The following GUCY1A2 variants were observed in gnomAD, a reference collection of about 807,000 sequenced individuals.
The protein encoded by GUCY1A2 is guanylate cyclase 1 soluble subunit alpha 2.
Under a neutral mutation model 63.5 loss-of-function variants are expected in GUCY1A2, and 27 were observed. The observed-to-expected ratio is 0.43, with a 90% CI of 0.31 to 0.59. The LOEUF is 0.59. Among genes scored for constraint, GUCY1A2 ranks in the 20% least tolerant of loss-of-function variants. The probability of loss-of-function intolerance (pLI) is 0.11; values close to 1 mark genes in which losing one functional copy is unlikely to be tolerated. For synonymous variants in GUCY1A2, 364 were observed against 343.5 expected (o/e 1.06, Z -0.66); for missense variants, 768 against 913.3 (o/e 0.84, Z 2.05).
intron 4 of GUCY1A2, among the ~76,000 whole-genome samples, chr11:106,919,309 CATG>C (rs1347073981): frequency 6.6e-6 from 1 of 152,046 alleles, no homozygotes; most frequent in Non-Finnish European, 1.5e-5. Flanking sequence ...TAATATACAG[CATG>C]ATGACTATAG....
chr11:106,922,932 A>G (rs1486044889), intron 4 of GUCY1A2, among the ~76,000 whole-genome samples: 1 of 151,948 alleles, frequency 6.6e-6, no homozygotes, highest in Admixed American at 6.6e-5. Flanking sequence ...GAAGGTGACT[A>G]GGGACTCGAG....
chr11:106,778,866 A>G (rs903595046), intron 5 of GUCY1A2, among the ~76,000 whole-genome samples: 2 of 152,180 alleles, frequency 1.3e-5, no homozygotes, highest in East Asian at 3.8e-4. Flanking sequence ...TATGAGCGCC[A>G]TCTAGATCTG....
intron 4 of GUCY1A2, among the ~76,000 whole-genome samples, chr11:106,820,525 A>G (rs373898610): frequency 1.3e-5 from 2 of 152,268 alleles, no homozygotes. Context: ...CAGCCTCCTG[A>G]GTAGCTGAAA....
Position 106,939,918 on chromosome 11 carries a change from T to C in GUCY1A2, c.748A>G (p.Met250Val). 2 of 1,614,068 alleles carry C rather than the reference T, an allele frequency of 1.2e-6. No individual in the cohort carries two copies. The highest frequency in any genetic ancestry group is 1.7e-6 in the Non-Finnish European group (2 of 1,179,970). The change falls in exon 4 of 8, where the codon ATG becomes GTG. Residue 250 changes from methionine (M) to valine (V), a missense_variant. Met to Val is a conservative substitution (Grantham distance 21). Coordinates refer to ENST00000526355, the MANE Select transcript of GUCY1A2 (RefSeq NM_000855.3). ...FHPHHIVGFAMLGMIKAAGKK... is the reference protein window; with the variant it reads ...FHPHHIVGFAVLGMIKAAGKK... ...CCTGCAGCCTTAATCATCCCCAGCA[T>C]TGCAAACCCCACAATATGGTGAGGG...
chr11:106,843,496 G>A (rs1859229118), intron 4 of GUCY1A2, among the ~76,000 whole-genome samples: 1 of 151,862 alleles, frequency 6.6e-6, no homozygotes, highest in African/African-American at 2.4e-5. Flanking sequence ...ATATATTAGG[G>A]TGTAACAGCA....
chr11:106,902,647 T>C (rs1053877197), intron 4 of GUCY1A2, among the ~76,000 whole-genome samples: 8 of 152,330 alleles, frequency 5.3e-5, no homozygotes, highest in Admixed American at 2.6e-4. Flanking sequence ...AAAGTATTTA[T>C]AATCGGCCAT....
At chr11:106,802,446 T>C (rs967892345) in intron 5 of GUCY1A2, among the ~76,000 whole-genome samples, 3 of 152,312 alleles carry the variant, frequency 2.0e-5, no homozygotes, top group African/African-American at 7.2e-5. Flanking sequence ...TTTATTCTTA[T>C]TAGATACAGG....
intron 1 of GUCY1A2, among the ~76,000 whole-genome samples, chr11:107,000,479 G>A (rs973363557): frequency 6.6e-6 from 1 of 152,112 alleles, no homozygotes; most frequent in African/African-American, 2.4e-5. Flanking sequence ...ATATTCTTTT[G>A]TTAAGGAAGT....
chr11:106,891,934 C>CA (rs1859980470), intron 4 of GUCY1A2, among the ~76,000 whole-genome samples: 1 of 152,052 alleles, frequency 6.6e-6, no homozygotes, highest in African/African-American at 2.4e-5. Flanking sequence ...TACAAAAATG[C>CA]AGCTGAATTT....
At chr11:106,922,172 T>G (rs1424657727) in intron 4 of GUCY1A2, among the ~76,000 whole-genome samples, 1 of 152,158 alleles carries the variant, frequency 6.6e-6, no homozygotes, top group East Asian at 1.9e-4. Context: ...CAGACAACAT[T>G]TGTCTCTCTG....
intron 4 of GUCY1A2, among the ~76,000 whole-genome samples, chr11:106,869,004 G>A (rs1266100102): frequency 6.6e-6 from 1 of 152,258 alleles, no homozygotes; most frequent in East Asian, 1.9e-4. Flanking sequence ...CAAGAAATGG[G>A]GAAAAGGATT....
At chr11:106,838,680 C>T (rs547637207) in intron 4 of GUCY1A2, among the ~76,000 whole-genome samples, 1 of 151,892 alleles carries the variant, frequency 6.6e-6, no homozygotes, top group South Asian at 2.1e-4. Flanking sequence ...ATTCTAACTG[C>T]TGTGAGATCA....
At chr11:106,717,671 A>G (rs1863239158) in intron 6 of GUCY1A2, among the ~76,000 whole-genome samples, 1 of 152,178 alleles carries the variant, frequency 6.6e-6, no homozygotes, top group Non-Finnish European at 1.5e-5. Context: ...AAGATTTTAG[A>G]CTTTGGAAAA....
intron 3 of GUCY1A2, among the ~76,000 whole-genome samples, chr11:106,943,904 T>C (rs552900252): frequency 2.6e-5 from 4 of 151,902 alleles, no homozygotes; most frequent in Admixed American, 6.6e-5. Flanking sequence ...GAAGGGAGAC[T>C]TAAATAAAAA....
intron 4 of GUCY1A2, among the ~76,000 whole-genome samples, chr11:106,839,551 C>A (rs1455564765): frequency 6.6e-6 from 1 of 152,000 alleles, no homozygotes; most frequent in Non-Finnish European, 1.5e-5. Context: ...TATAAAGACA[C>A]ATGCACACGT....
chr11:106,922,362 T>C (rs1026252321), intron 4 of GUCY1A2, among the ~76,000 whole-genome samples: 4 of 152,002 alleles, frequency 2.6e-5, no homozygotes, highest in Admixed American at 6.6e-5. Flanking sequence ...TGCCAGGCAC[T>C]GTACTGGGTG....
chr11:106,911,089 G>C (rs1184572089), intron 4 of GUCY1A2, among the ~76,000 whole-genome samples: 3 of 151,942 alleles, frequency 2.0e-5, no homozygotes, highest in African/African-American at 2.4e-5. Context: ...GGAAGGGAAG[G>C]AATAAAGGGG....
chr11:106,693,515 G>A (rs1002132759), intron 7 of GUCY1A2, among the ~76,000 whole-genome samples: 12 of 151,870 alleles, frequency 7.9e-5, no homozygotes, highest in South Asian at 4.1e-4. Flanking sequence ...ACCTTTTGAC[G>A]TAGCAAACTA....
chr11:106,989,223 A>G (rs1246680815), intron 1 of GUCY1A2, among the ~76,000 whole-genome samples: 1 of 152,200 alleles, frequency 6.6e-6, no homozygotes, highest in Non-Finnish European at 1.5e-5. Context: ...AGGAGTTTGG[A>G]AAGATGATTT....
Sources: allele counts gnomAD v4.1 joint callset (sites outside exome capture counted in the v4.1 genomes callset), GRCh38; gene constraint gnomAD v4.1.1; transcripts MANE v1.5; gene names NCBI Gene and HGNC (gene_info 2026-07-23, HGNC 2026-07-21).